Variants in TBC1D32 observed in about 807,000 individuals in gnomAD.
TBC1D32 encodes protein broad-minded.
In TBC1D32, 151 loss-of-function variants were observed where a neutral mutation model predicts 170.3. The observed-to-expected ratio is 0.89, with a 90% CI of 0.78 to 1.01. The LOEUF is 1.01. TBC1D32 is among the 50% of genes least tolerant of loss of function. TBC1D32 has a pLI of 0.00. For missense variants in TBC1D32, 1,464 were observed against 1,457.1 expected (o/e 1.00, Z -0.08); for synonymous variants, 498 against 488.0 (o/e 1.02, Z -0.27).
chr6:121,134,319 T>A (rs939860931), intron 24 of TBC1D32, among the ~76,000 whole-genome samples: 3 of 152,108 alleles, frequency 2.0e-5, no homozygotes, highest in Non-Finnish European at 2.9e-5. Flanking sequence ...ATAAATCTGT[T>A]TTCTTTTTAC....
chr6:121,177,110 T>C (rs1175095460), intron 22 of TBC1D32, among the ~76,000 whole-genome samples: 5 of 152,176 alleles, frequency 3.3e-5, no homozygotes, highest in Non-Finnish European at 7.3e-5. Flanking sequence ...AGGAAATGAT[T>C]GCTTATCAGT....
At chr6:121,214,120 T>G (rs1479154169) in intron 21 of TBC1D32, among the ~76,000 whole-genome samples, 1 of 152,160 alleles carries the variant, frequency 6.6e-6, no homozygotes, top group East Asian at 1.9e-4. Flanking sequence ...CCTTATATCA[T>G]ATACAAAAAT....
intron 30 of TBC1D32, among the ~76,000 whole-genome samples, chr6:121,103,981 G>A (rs943901553): frequency 6.6e-6 from 1 of 151,858 alleles, no homozygotes; most frequent in African/African-American, 2.4e-5. Flanking sequence ...TATATAGCAA[G>A]AGCAAAAATT....
rs905853358 is a variant in TBC1D32 at position 121,126,808 on chromosome 6, CA to C, written c.2900-348del. Among the ~76,000 whole-genome samples, 16 of 150,334 alleles carry C rather than the reference CA, an allele frequency of 1.1e-4. 1 individual carries two copies. The highest frequency in any genetic ancestry group is 8.4e-4 in the South Asian group (4 of 4,780). Reference sequence around the variant, plus strand: ...CCTTACCTTTGTTCTTTATGCATAACAAAAAAAAAGTATTAGTGGGTTCTAA... The same window carrying C: ...CCTTACCTTTGTTCTTTATGCATAACAAAAAAAAGTATTAGTGGGTTCTAA... On this transcript the variant is annotated intron_variant, in intron 25 of 31. Coordinates refer to ENST00000398212, the MANE Select transcript of TBC1D32 (RefSeq NM_152730.6).
chr6:121,217,614 A>G (rs1793993957), intron 21 of TBC1D32, among the ~76,000 whole-genome samples: 1 of 152,180 alleles, frequency 6.6e-6, no homozygotes, highest in Admixed American at 6.5e-5. Context: ...GGACACAAAG[A>G]GGGGAACAAC....
chr6:121,149,210 C>A (rs183807438), intron 24 of TBC1D32, among the ~76,000 whole-genome samples: 2 of 152,040 alleles, frequency 1.3e-5, no homozygotes, highest in Non-Finnish European at 2.9e-5. Flanking sequence ...TGTAGGTTGC[C>A]TGTTCACTCT....
intron 22 of TBC1D32, among the ~76,000 whole-genome samples, chr6:121,168,262 C>G (rs1331807893): frequency 1.5e-5 from 2 of 134,600 alleles, no homozygotes; most frequent in East Asian, 4.4e-4. Flanking sequence ...CACATGCACA[C>G]GTATGTTTAT....
chr6:121,169,179 C>G (rs755957000), intron 22 of TBC1D32, among the ~76,000 whole-genome samples: 5 of 152,150 alleles, frequency 3.3e-5, no homozygotes, highest in Non-Finnish European at 7.4e-5. Context: ...TACTACAAGG[C>G]TACACTAACC....
At chr6:121,196,373 A>G (rs902512585) in intron 22 of TBC1D32, among the ~76,000 whole-genome samples, 1 of 152,164 alleles carries the variant, frequency 6.6e-6, no homozygotes, top group African/African-American at 2.4e-5. Flanking sequence ...AGTCCTTGAT[A>G]TGGCACCGTT....
intron 5 of TBC1D32, 138 bp from the exon 6 acceptor site, chr6:121,304,971 T>G (rs1308356878): frequency 1.7e-5 from 11 of 641,118 alleles, no homozygotes; most frequent in African/African-American, 7.5e-5. Flanking sequence ...CAGAATGTAC[T>G]TATTTAAAAA....
At chr6:121,255,202 G>C in intron 17 of TBC1D32, 126 bp downstream of exon 17, 1 of 414,934 alleles carries the variant, frequency 2.4e-6, no homozygotes, top group Non-Finnish European at 4.2e-6. Context: ...AATTTTCCTT[G>C]AAGCTGTATA....
chr6:121,107,627 T>C (rs73768905), intron 29 of TBC1D32, among the ~76,000 whole-genome samples: 2,710 of 152,020 alleles, frequency 0.018, 80 homozygotes, highest in African/African-American at 0.061. Context: ...TTGTGAAATA[T>C]TGCAATGTGT....
At chr6:121,316,624 T>A (rs894600503) in intron 3 of TBC1D32, among the ~76,000 whole-genome samples, 2 of 152,168 alleles carry the variant, frequency 1.3e-5, no homozygotes, top group African/African-American at 2.4e-5. Flanking sequence ...AATGATGCAA[T>A]GGTGGCAATG....
chr6:121,207,191 C>G (rs1489377745), intron 21 of TBC1D32, among the ~76,000 whole-genome samples: 1 of 152,058 alleles, frequency 6.6e-6, no homozygotes, highest in African/African-American at 2.4e-5. Flanking sequence ...CTTCTTGTAC[C>G]TGAGGTGAGA....
intron 30 of TBC1D32, among the ~76,000 whole-genome samples, chr6:121,096,732 T>C (rs531655747): frequency 6.6e-6 from 1 of 152,228 alleles, no homozygotes; most frequent in East Asian, 1.9e-4. Context: ...AGATCCCACA[T>C]TGCCAAGACA....
intron 24 of TBC1D32, among the ~76,000 whole-genome samples, chr6:121,134,560 C>T (rs148999676): frequency 0.011 from 1,707 of 152,186 alleles, 7 homozygotes; most frequent in Middle Eastern, 0.027. Context: ...GAGCTGAAAA[C>T]AGGCTGACTA....
At chr6:121,222,070 GT>G (rs1188623671) in intron 21 of TBC1D32, among the ~76,000 whole-genome samples, 1 of 152,166 alleles carries the variant, frequency 6.6e-6, no homozygotes, top group African/African-American at 2.4e-5. Context: ...ACACTGATCA[GT>G]CAGCTGCCAT....
At chr6:121,219,309 A>G (rs2128323461) in intron 21 of TBC1D32, among the ~76,000 whole-genome samples, 1 of 152,378 alleles carries the variant, frequency 6.6e-6, no homozygotes, top group East Asian at 1.9e-4. Flanking sequence ...ATCATGACAG[A>G]AAGCAGTGAT....
intron 17 of TBC1D32, among the ~76,000 whole-genome samples, chr6:121,251,078 G>A (rs1247331017): frequency 1.3e-5 from 2 of 151,978 alleles, no homozygotes; most frequent in Non-Finnish European, 2.9e-5. Context: ...GGAAATAAGA[G>A]AGGAGACAAA....
Sources: gnomAD v4.1 joint callset for allele counts (sites outside exome capture counted in the v4.1 genomes callset) on GRCh38, gnomAD v4.1.1 for gene constraint, MANE v1.5 for transcripts, NCBI Gene and HGNC (gene_info 2026-07-23, HGNC 2026-07-21) for gene names.